The following CNTNAP2 variants were observed in gnomAD, a reference collection of about 807,000 sequenced individuals.
CNTNAP2 encodes contactin-associated protein-like 2.
A neutral mutation model predicts 155.2 loss-of-function variants in CNTNAP2; 98 were observed. That is an observed-to-expected ratio of 0.63 (90% CI 0.54 to 0.75). The LOEUF (loss-of-function observed/expected upper bound fraction) is 0.75, where lower values mean the gene tolerates loss of function less well. Ranked by LOEUF, CNTNAP2 falls within the 30% of genes least tolerant of loss-of-function variation. The pLI, the probability that CNTNAP2 is intolerant of heterozygous loss-of-function variation, is 0.00. For missense variants in CNTNAP2, 1,727 were observed against 1,688.1 expected, an observed-to-expected ratio of 1.02 and a Z score of -0.40; for synonymous variants, 651 against 631.2, an observed-to-expected ratio of 1.03 and a Z score of -0.47.
At chr7:146,518,673 A>G (rs1292840574) in intron 1 of CNTNAP2, among the ~76,000 whole-genome samples, 2 of 151,834 alleles carry the variant, frequency 1.3e-5, no homozygotes, top group Non-Finnish European at 2.9e-5. Context: ...GCATAAACAG[A>G]GTGTATCATA....
intron 1 of CNTNAP2, among the ~76,000 whole-genome samples, chr7:146,747,094 C>A (rs1016215576): frequency 6.6e-6 from 1 of 152,074 alleles, no homozygotes; most frequent in African/African-American, 2.4e-5. Flanking sequence ...TCGTTACTTA[C>A]ATTTTTGAAT....
rs370312673 is a variant in CNTNAP2, at chr7:147,336,628, G to A, written c.1498+36338G>A. On this transcript the variant is annotated intron_variant, in intron 9 of 23. Coordinates refer to ENST00000361727, the MANE Select transcript of CNTNAP2 (RefSeq NM_014141.6). The stretch of plus-strand genomic sequence containing the variant: ...GGATTGGTAAGAACATGAAGGTTTG[G>A]GGAGATGAAATCTTGCTAAAATTAT... Among the ~76,000 whole-genome samples, 4 of 152,172 alleles carry A rather than the reference G, an allele frequency of 2.6e-5. No homozygotes were observed. The East Asian group carries it at 5.8e-4, about 22-fold the overall frequency.
intron 8 of CNTNAP2, among the ~76,000 whole-genome samples, chr7:147,137,791 T>C (rs571299364): frequency 1.3e-5 from 2 of 151,982 alleles, no homozygotes; most frequent in East Asian, 3.9e-4. Flanking sequence ...CCGCACCATC[T>C]ATGTAATTTT....
chr7:148,059,604 A>AG (rs1554467827), intron 15 of CNTNAP2, among the ~76,000 whole-genome samples: 24 of 150,016 alleles, frequency 1.6e-4, no homozygotes, highest in South Asian at 2.1e-4. Context: ...AAAAAAAAAA[A>AG]AAAGAAAGAA....
In CNTNAP2 at chr7:147,571,767, C is replaced by G. The variant is rs559255910; in HGVS notation, c.1897+9510C>G. Among the ~76,000 whole-genome samples the G allele has an allele frequency of 2.7e-4, 41 of 152,234 alleles. 2 individuals are homozygous for G. The South Asian group carries it at 8.3e-3, about 31-fold the overall frequency. Reference sequence around the variant, plus strand: ...CCCTTCATTTTCCTTTATATCATAACTATTTCTCTGATGTGTATACTGGCT... The same window carrying G: ...CCCTTCATTTTCCTTTATATCATAAGTATTTCTCTGATGTGTATACTGGCT... On this transcript the variant is annotated intron_variant, in intron 12 of 23. Coordinates refer to ENST00000361727, the MANE Select transcript of CNTNAP2 (RefSeq NM_014141.6).
At chr7:146,497,103 AC>A (rs1797227405) in intron 1 of CNTNAP2, among the ~76,000 whole-genome samples, 1 of 152,172 alleles carries the variant, frequency 6.6e-6, no homozygotes, top group Non-Finnish European at 1.5e-5. Context: ...AGAGTGAACA[AC>A]GTGTCAGTCT....
intron 21 of CNTNAP2, among the ~76,000 whole-genome samples, chr7:148,342,706 C>A (rs577159854): frequency 6.6e-6 from 1 of 152,176 alleles, no homozygotes; most frequent in Non-Finnish European, 1.5e-5. Context: ...TTCATTGTGG[C>A]CACAGGAAGA....
At chr7:146,376,717 T>C (rs1267278862) in intron 1 of CNTNAP2, among the ~76,000 whole-genome samples, 1 of 152,184 alleles carries the variant, frequency 6.6e-6, no homozygotes, top group African/African-American at 2.4e-5. Context: ...ATCTCTATTG[T>C]TGTAACCAAA....
At chr7:146,184,293 CA>C (rs930041666) in intron 1 of CNTNAP2, among the ~76,000 whole-genome samples, 2 of 151,980 alleles carry the variant, frequency 1.3e-5, no homozygotes, top group Non-Finnish European at 2.9e-5. Context: ...AACAAGAATC[CA>C]AATAGGACCA....
intron 1 of CNTNAP2, among the ~76,000 whole-genome samples, chr7:146,486,012 A>G (rs2129129968): frequency 6.7e-6 from 1 of 149,672 alleles, no homozygotes; most frequent in South Asian, 2.1e-4. Flanking sequence ...CATTCATTAC[A>G]AGGAAACCAA....
intron 15 of CNTNAP2, among the ~76,000 whole-genome samples, chr7:148,045,163 C>A (rs1008095153): frequency 3.3e-5 from 5 of 152,140 alleles, no homozygotes; most frequent in Non-Finnish European, 7.4e-5. Flanking sequence ...GCAGAGAGGG[C>A]AGCCTGCCTC....
chr7:146,445,573 G>T (rs894452962), intron 1 of CNTNAP2, among the ~76,000 whole-genome samples: 10 of 152,160 alleles, frequency 6.6e-5, no homozygotes, highest in African/African-American at 2.4e-4. Context: ...CCCCATTAGA[G>T]AATCAAATAA....
chr7:146,206,265 A>G (rs987167041), intron 1 of CNTNAP2, among the ~76,000 whole-genome samples: 1 of 151,958 alleles, frequency 6.6e-6, no homozygotes, highest in Admixed American at 6.6e-5. Flanking sequence ...GTAATAATTA[A>G]TCATTGGCCT....
rs1801388937 is a variant in CNTNAP2, at chr7:147,132,234, C to T, written c.1084-11C>T. 1 of 1,613,330 alleles carries T rather than the reference C, an allele frequency of 6.2e-7. No individual in the cohort carries two copies. The highest frequency in any genetic ancestry group is 1.7e-5 in the Admixed American group (1 of 59,936). On this transcript the variant is annotated splice_polypyrimidine_tract_variant and intron_variant, in intron 7 of 23. Coordinates refer to ENST00000361727, the MANE Select transcript of CNTNAP2 (RefSeq NM_014141.6). Reference sequence around the variant, plus strand: ...TGTGTTTTCCTCAGAGCCTGTCTTTCTATTTTACAGGGAAATTTGAGCTTT... The same window carrying T: ...TGTGTTTTCCTCAGAGCCTGTCTTTTTATTTTACAGGGAAATTTGAGCTTT...
intron 3 of CNTNAP2, among the ~76,000 whole-genome samples, chr7:147,041,837 G>C (rs562235197): frequency 2.2e-4 from 33 of 152,240 alleles, no homozygotes; most frequent in Non-Finnish European, 4.6e-4. Context: ...CTTTTGTTGA[G>C]TATTATTTAA....
At chr7:146,860,145 A>G (rs1795071137) in intron 3 of CNTNAP2, among the ~76,000 whole-genome samples, 1 of 152,238 alleles carries the variant, frequency 6.6e-6, no homozygotes, top group African/African-American at 2.4e-5. Context: ...AGATGTTACA[A>G]TGAGTAATGG....
At chr7:146,389,826 C>G (rs578019076) in intron 1 of CNTNAP2, among the ~76,000 whole-genome samples, 1 of 151,320 alleles carries the variant, frequency 6.6e-6, no homozygotes, top group African/African-American at 2.4e-5. Context: ...CTCAGTTTGC[C>G]GAGTAGCTGG....
At chr7:147,850,223 C>T (rs554837375) in intron 13 of CNTNAP2, among the ~76,000 whole-genome samples, 2 of 152,198 alleles carry the variant, frequency 1.3e-5, no homozygotes, top group South Asian at 2.1e-4. Context: ...TGTGAAGGAC[C>T]TCTTCAAGGA....
Position 147,693,331 on chromosome 7 carries a change from T to C in CNTNAP2, c.2098+54025T>C, listed in dbSNP as rs919634357. ...ATATTCTTGGCTATTTTGGGTATGTTGCCCCTTTACATAATCTTTAAAGAT... is the reference window on the plus strand; with the variant it reads ...ATATTCTTGGCTATTTTGGGTATGTCGCCCCTTTACATAATCTTTAAAGAT... On this transcript the variant is annotated intron_variant, in intron 13 of 23. Transcript: ENST00000361727. Among the ~76,000 whole-genome samples, 110 of 152,184 alleles carry C rather than the reference T, an allele frequency of 7.2e-4. 1 individual carries two copies. The highest frequency in any genetic ancestry group is 2.6e-3 in the African/African-American group (107 of 41,574).
Sources: allele counts gnomAD v4.1 joint callset (sites outside exome capture counted in the v4.1 genomes callset), GRCh38; gene constraint gnomAD v4.1.1; transcripts MANE v1.5; gene names NCBI Gene and HGNC (gene_info 2026-07-23, HGNC 2026-07-21).